Variants in EIF5B observed in about 807,000 individuals in gnomAD.
The protein encoded by EIF5B is eIF-5B.
Under a neutral mutation model 147.5 loss-of-function variants are expected in EIF5B, and 47 were observed. The ratio of observed to expected loss-of-function variants is 0.32; its 90% CI spans 0.25 to 0.41. EIF5B has a LOEUF of 0.41. EIF5B is among the 10% of genes least tolerant of loss of function. The probability of loss-of-function intolerance (pLI) is 1.00; values close to 1 mark genes in which losing one functional copy is unlikely to be tolerated. For missense variants in EIF5B, 1,064 were observed against 1,413.2 expected, an observed-to-expected ratio of 0.75 and a Z score of 3.96; for synonymous variants, 455 against 456.2, an observed-to-expected ratio of 1.00 and a Z score of 0.03.
chr2:99,364,385 A>C lies in EIF5B; in HGVS notation c.1252A>C (p.Arg418=). The C allele has an allele frequency of 6.2e-7, 1 of 1,609,804 alleles. No individual in the cohort carries two copies. Among genetic ancestry groups the C allele is most frequent in the Admixed American group, 1.7e-5 (1 of 58,930 alleles). Residue 418 remains arginine (R), a synonymous_variant, in exon 6 of 24, where the codon AGA becomes CGA. Transcript: ENST00000289371. The stretch of plus-strand genomic sequence containing the variant: ...TAAATCCCAGAGAGAAGCCAGAGCC[A>C]GAGCCGAAGCTACTCTTAAACTGCT... ...LTKSQREARA[R]AEATLKLLQA...
chr2:99,367,500 A>T (rs1327111036), intron 6 of EIF5B, among the ~76,000 whole-genome samples: 1 of 151,100 alleles, frequency 6.6e-6, no homozygotes, highest in Non-Finnish European at 1.5e-5. Context: ...GCAGTGGCGC[A>T]ATCTCAGCCC....
In EIF5B at chr2:99,398,519, G is replaced by GACC. The variant is rs1675114968; in HGVS notation, c.3394-229_3394-228insACC. ...GTCAACAGGGCACTTGGAATGTTTT[G>GACC]CAAAGCACATTATCTCCTGTCATTC... is the stretch of plus-strand genomic sequence containing the variant. On this transcript the variant is annotated intron_variant, in intron 22 of 23. Coordinates refer to ENST00000289371, the MANE Select transcript of EIF5B (RefSeq NM_015904.4). 1.6e-5 allele frequency: 6 copies of GACC among 386,106 alleles called. No individual in the cohort carries two copies. The South Asian group carries it at 2.6e-4, about 16-fold the overall frequency. The allele number at this position is 386,106 out of a possible 1,614,324, so 23.9% of individuals were successfully genotyped here. A position where few individuals can be genotyped will look rare whatever the true frequency, so the allele number is the denominator to read the frequency against.
chr2:99,384,196 C>CAAAA (rs770493783), intron 14 of EIF5B, among the ~76,000 whole-genome samples: 5 of 117,508 alleles, frequency 4.3e-5, no homozygotes, highest in Admixed American at 8.8e-5. Flanking sequence ...GACTCCGTCT[C>CAAAA]AAAAAAAAAA....
At chr2:99,381,042 A>G (rs770121587) in intron 12 of EIF5B, among the ~76,000 whole-genome samples, 1 of 152,200 alleles carries the variant, frequency 6.6e-6, no homozygotes, top group Non-Finnish European at 1.5e-5. Context: ...ATCGTTTTAC[A>G]TCTTGATGTC....
At chr2:99,380,058 T>G (rs1185770844) in intron 12 of EIF5B, among the ~76,000 whole-genome samples, 1 of 152,220 alleles carries the variant, frequency 6.6e-6, no homozygotes, top group Non-Finnish European at 1.5e-5. Flanking sequence ...TCGAACTCCA[T>G]CAGCCATTAT....
rs544808952 is a variant in EIF5B at position 99,390,143 on chromosome 2, C to G, written c.2404-76C>G. On this transcript the variant is annotated intron_variant, in intron 15 of 23. Transcript: ENST00000289371. ...CAAAATGATGAGCCATTTGCTCATC[C>G]GGCTTCTAGTGAGGCACACCTATTC... 7 of 1,527,676 alleles carry G rather than the reference C, an allele frequency of 4.6e-6. No individual in the cohort carries two copies. In the African/African-American group the frequency reaches 9.7e-5, roughly 21 times the overall value. 94.6% of individuals were successfully genotyped at this position (1,527,676 alleles called of 1,614,324 possible).
rs554981052 is a variant in EIF5B at position 99,378,042 on chromosome 2, T to A, written c.1843-977T>A. On this transcript the variant is annotated intron_variant, in intron 10 of 23. Transcript: ENST00000289371. ...CAAATAAAGTCATGATGTTTGAATT[T>A]GAGTTGTATGTACTGTGAGGTTGTC... Among the ~76,000 whole-genome samples the A allele has an allele frequency of 2.6e-5, 4 of 152,324 alleles. No individual in the cohort carries two copies. In the East Asian group the frequency reaches 5.8e-4, roughly 22 times the overall value.
chr2:99,343,837 T>A (rs2094266411), intron 1 of EIF5B, among the ~76,000 whole-genome samples: 1 of 151,764 alleles, frequency 6.6e-6, no homozygotes, highest in African/African-American at 2.4e-5. Context: ...AAAACAAAAC[T>A]TTTATTGCCT....
Position 99,363,640 on chromosome 2 carries a change from G to T in EIF5B, c.920-5G>T. 6.4e-7 allele frequency: 1 copy of T among 1,574,114 alleles called. No individual in the cohort carries two copies. Among genetic ancestry groups the T allele is most frequent in the South Asian group, 1.2e-5 (1 of 83,082 alleles). ...TCAATGCTTTGCCTTTATTCTTTTT[G>T]GTAGATGACAATGAAGGAGACAAAA... On this transcript the variant is annotated splice_polypyrimidine_tract_variant and splice_region_variant and intron_variant, in intron 4 of 23. Coordinates refer to ENST00000289371, the MANE Select transcript of EIF5B (RefSeq NM_015904.4).
chr2:99,369,209 G>A (rs1674389905), intron 7 of EIF5B, among the ~76,000 whole-genome samples, 183 bp from the exon 8 acceptor site: 1 of 152,336 alleles, frequency 6.6e-6, no homozygotes, highest in Admixed American at 6.5e-5. Context: ...GGGAGGTGGA[G>A]GTTGCAGTGA....
At chr2:99,393,176 G>C in intron 18 of EIF5B, 78 bp downstream of exon 18, 1 of 1,307,376 alleles carries the variant, frequency 7.6e-7, no homozygotes, top group Non-Finnish European at 9.9e-7. Flanking sequence ...TGCTAGGGAT[G>C]GTGACCAAAA....
At chr2:99,370,221 CTG>C (rs1008275571) in intron 8 of EIF5B, among the ~76,000 whole-genome samples, 18 of 151,860 alleles carry the variant, frequency 1.2e-4, no homozygotes, top group African/African-American at 4.4e-4. Flanking sequence ...TGTGGGGTAT[CTG>C]TGTATATGTT....
Position 99,376,450 on chromosome 2 carries a change from A to C in EIF5B, c.1656A>C (p.Glu552Asp), listed in dbSNP as rs370682143. The C allele has an allele frequency of 1.3e-6, 2 of 1,594,234 alleles. No individual in the cohort carries two copies. Among genetic ancestry groups the C allele is most frequent in the African/African-American group, 2.7e-5 (2 of 74,348 alleles). ...ATGAAGAAAGTGAAGAAGAGGAGGA[A>C]GAGGAGGGAGAAAGTGAAGGCAGTG... Reference protein sequence around the residue: ...EEDEESEEEEEEEGESEGSEG... With the variant: ...EEDEESEEEEDEEGESEGSEG... The change falls in exon 10 of 24, where the codon GAA (glutamate) becomes GAC (aspartate). Residue 552 changes from glutamate to aspartate, a missense_variant. Glu to Asp is a conservative substitution (Grantham distance 45). Coordinates refer to ENST00000289371, the MANE Select transcript of EIF5B (RefSeq NM_015904.4).
At chr2:99,379,295 C>G (rs936474037) in intron 11 of EIF5B, 23 bp from the exon 12 acceptor site, 16 of 1,556,306 alleles carry the variant, frequency 1.0e-5, no homozygotes, top group Non-Finnish European at 1.1e-5. Context: ...AAATACCAAT[C>G]TGTATTTGCT....
At chr2:99,392,212 T>C (rs979933476) in intron 17 of EIF5B, among the ~76,000 whole-genome samples, 1 of 151,958 alleles carries the variant, frequency 6.6e-6, no homozygotes, top group Non-Finnish European at 1.5e-5. Context: ...CAGGCTGGGA[T>C]TACAGGTGCA....
chr2:99,373,332 G>C (rs1674493185), intron 9 of EIF5B, among the ~76,000 whole-genome samples: 1 of 152,204 alleles, frequency 6.6e-6, no homozygotes, highest in African/African-American at 2.4e-5. Flanking sequence ...CAAGGCACCA[G>C]CATTGGTGCC....
chr2:99,398,935 A>G, intron 23 of EIF5B, 26 bp downstream of exon 23: 1 of 1,604,770 alleles, frequency 6.2e-7, no homozygotes, highest in Non-Finnish European at 8.5e-7. Context: ...AAAGTGGCAC[A>G]CTTTAAGCAA....
intron 14 of EIF5B, among the ~76,000 whole-genome samples, chr2:99,387,206 C>T (rs112308324): frequency 0.015 from 2,283 of 152,282 alleles, 59 homozygotes; most frequent in Non-Finnish European, 0.018. Context: ...CCGTGCCTGG[C>T]CCCAATTAAT....
At chr2:99,389,635 T>A in intron 14 of EIF5B, 83 bp from the exon 15 acceptor site, 1 of 1,327,764 alleles carries the variant, frequency 7.5e-7, no homozygotes, top group Middle Eastern at 2.8e-4. Flanking sequence ...GAGACACACA[T>A]GAGGAATTTT....
Sources: allele counts gnomAD v4.1 joint callset (sites outside exome capture counted in the v4.1 genomes callset), GRCh38; gene constraint gnomAD v4.1.1; transcripts MANE v1.5; gene names NCBI Gene and HGNC (gene_info 2026-07-23, HGNC 2026-07-21).